DOCK1: variants seen among roughly 807,000 people sequenced by gnomAD.
DOCK1 encodes dedicator of cytokinesis 1, also known as dedicator of cytokinesis protein 1.
A neutral mutation model predicts 262.7 loss-of-function variants in DOCK1; 138 were observed. The observed-to-expected ratio is 0.53, with a 90% CI of 0.46 to 0.61. The LOEUF (loss-of-function observed/expected upper bound fraction) is 0.61. DOCK1 is among the 20% of genes least tolerant of loss of function. The pLI is 0.00. For synonymous variants in DOCK1, 866 were observed against 867.4 expected, an observed-to-expected ratio of 1.00 and a Z score of 0.03; for missense variants, 1,908 against 2,370.7, an observed-to-expected ratio of 0.80 and a Z score of 4.05.
chr10:126,996,817 G>A lies in DOCK1; in HGVS notation c.543G>A (p.Thr181=), dbSNP rs79043452. 6.0e-4 allele frequency: 974 copies of A among 1,612,910 alleles called. 4 individuals carry two copies. In the African/African-American group the frequency reaches 0.011, roughly 19 times the overall value. The change falls in exon 7 of 52, where the codon ACG becomes ACA. Residue 181 remains threonine, a synonymous_variant. Transcript: ENST00000623213. ...TTTTGGATCCAGAATTAACTAGCAC[G>A]ATTAGTCTCTTCAGAGCTCATGAAA... ...GNILDPELTS[T]ISLFRAHEIA... is the part of the protein sequence containing the mutation.
chr10:127,116,923 G>A (rs558207940), intron 25 of DOCK1, among the ~76,000 whole-genome samples: 1 of 152,268 alleles, frequency 6.6e-6, no homozygotes, highest in East Asian at 1.9e-4. Context: ...TTAAATAATG[G>A]TGGAATGTAA....
intron 47 of DOCK1, among the ~76,000 whole-genome samples, chr10:127,427,206 C>T (rs934306083): frequency 1.3e-5 from 2 of 152,196 alleles, no homozygotes; most frequent in East Asian, 1.9e-4. Flanking sequence ...GTGCACAGGG[C>T]TTCAACTCCC....
In DOCK1 at chr10:127,410,836, A is replaced by C; in HGVS notation, c.4344-4A>C. 6.2e-7 allele frequency: 1 copy of C among 1,613,610 alleles called. No individual in the cohort carries two copies. The highest frequency in any genetic ancestry group is 2.2e-5 in the East Asian group (1 of 44,880). ...TATCTAATGATCTGTCTGTCTCTGT[A>C]CAGTTTTTACAGGGTGAACGAGGTC... is the stretch of plus-strand genomic sequence containing the variant. On this transcript the variant is annotated splice_region_variant and splice_polypyrimidine_tract_variant and intron_variant, in intron 42 of 51. Coordinates refer to ENST00000623213, the MANE Select transcript of DOCK1 (RefSeq NM_001290223.2).
chr10:127,102,767 G>T (rs983877601), intron 23 of DOCK1, among the ~76,000 whole-genome samples: 4 of 152,188 alleles, frequency 2.6e-5, no homozygotes, highest in South Asian at 2.1e-4. Context: ...GTGAACCCGG[G>T]GGGTGGAAGT....
intron 29 of DOCK1, among the ~76,000 whole-genome samples, chr10:127,284,212 C>T (rs990582409): frequency 6.6e-6 from 1 of 152,032 alleles, no homozygotes; most frequent in Admixed American, 6.6e-5. Context: ...CTCATAGTAA[C>T]CTATTTCATA....
At chr10:126,958,490 G>T (rs2036927218) in intron 1 of DOCK1, among the ~76,000 whole-genome samples, 1 of 152,150 alleles carries the variant, frequency 6.6e-6, no homozygotes, top group Non-Finnish European at 1.5e-5. Flanking sequence ...GGCACAATGG[G>T]TATTCCCACA....
At chr10:127,221,566 C>A (rs2058436768) in intron 27 of DOCK1, among the ~76,000 whole-genome samples, 1 of 152,194 alleles carries the variant, frequency 6.6e-6, no homozygotes, top group South Asian at 2.1e-4. Flanking sequence ...GACATCCCTT[C>A]AGTGTCAGCT....
At chr10:126,907,096 G>A (rs894176601) in intron 1 of DOCK1, among the ~76,000 whole-genome samples, 1 of 151,684 alleles carries the variant, frequency 6.6e-6, no homozygotes, top group Admixed American at 6.6e-5. Flanking sequence ...TCAGTCTGGG[G>A]CACTTGGCAC....
intron 21 of DOCK1, among the ~76,000 whole-genome samples, chr10:127,050,906 T>C (rs1395432892): frequency 2.6e-5 from 4 of 152,154 alleles, no homozygotes; most frequent in African/African-American, 9.6e-5. Context: ...TTGAACTTTC[T>C]TGTTATTTGA....
At position 126,985,050 on chromosome 10, in the gene DOCK1, C is replaced by T. The variant is rs567088926; in HGVS notation, c.228-2471C>T. 4.7e-5 allele frequency among the ~76,000 whole-genome samples: 7 copies of T among 149,744 alleles called. No homozygotes were observed. The South Asian group carries it at 6.4e-4, about 14-fold the overall frequency. On this transcript the variant is annotated intron_variant, in intron 4 of 51. Coordinates refer to ENST00000623213, the MANE Select transcript of DOCK1 (RefSeq NM_001290223.2). ...GGCTGGAGTGCAGTAGCATGATCTC[C>T]GCTCACTGCAACCTCTGCCTCCTGC...
intron 29 of DOCK1, among the ~76,000 whole-genome samples, chr10:127,331,155 G>A (rs1416129711): frequency 6.6e-6 from 1 of 152,180 alleles, no homozygotes; most frequent in Admixed American, 6.5e-5. Flanking sequence ...GCCAGTTTCT[G>A]CTTCCTCCTT....
chr10:127,298,967 A>G (rs2135417057), intron 29 of DOCK1, among the ~76,000 whole-genome samples: 1 of 152,228 alleles, frequency 6.6e-6, no homozygotes, highest in South Asian at 2.1e-4. Flanking sequence ...TGTCTATTGT[A>G]AGATAGATTG....
At chr10:126,944,425 T>C (rs913762128) in intron 1 of DOCK1, among the ~76,000 whole-genome samples, 3 of 152,020 alleles carry the variant, frequency 2.0e-5, no homozygotes, top group Admixed American at 1.3e-4. Context: ...CCGAGGCAGC[T>C]GTTGGGTGGC....
At chr10:127,391,213 TATG>T (rs1429097573) in intron 38 of DOCK1, among the ~76,000 whole-genome samples, 1 of 152,182 alleles carries the variant, frequency 6.6e-6, no homozygotes, top group African/African-American at 2.4e-5. Context: ...AGCACCAAGA[TATG>T]ATGTTTTTTT....
Position 126,944,867 on chromosome 10 carries a change from C to T in DOCK1, c.47-25835C>T, listed in dbSNP as rs908966567. Among the ~76,000 whole-genome samples the T allele has an allele frequency of 6.4e-3, 975 of 152,188 alleles. 7 individuals are homozygous for T. Among genetic ancestry groups the T allele is most frequent in the Non-Finnish European group, 9.4e-3 (636 of 68,014 alleles). On this transcript the variant is annotated intron_variant, in intron 1 of 51. Transcript: ENST00000623213. ...AATGTTTTTGTTTTTGAGACTGATC[C>T]TCTCTCTGTCACCCAGGCTGGAGTG...
intron 21 of DOCK1, among the ~76,000 whole-genome samples, chr10:127,043,921 G>A (rs995098823): frequency 6.6e-6 from 1 of 152,148 alleles, no homozygotes; most frequent in Non-Finnish European, 1.5e-5. Context: ...GTTATTACGT[G>A]TAGAGTGCTT....
chr10:127,090,091 T>C (rs1190305784), intron 23 of DOCK1, among the ~76,000 whole-genome samples: 1 of 152,184 alleles, frequency 6.6e-6, no homozygotes, highest in Non-Finnish European at 1.5e-5. Context: ...CAGTGATTGC[T>C]GTTCGGGACA....
chr10:127,232,793 A>G (rs1283316831), intron 27 of DOCK1, among the ~76,000 whole-genome samples: 3 of 152,222 alleles, frequency 2.0e-5, no homozygotes, highest in East Asian at 3.8e-4. Flanking sequence ...CTGTGTAGCC[A>G]GATAATTAGC....
chr10:127,108,325 C>T lies in DOCK1; in HGVS notation c.2517-1923C>T, dbSNP rs139217960. On this transcript the variant is annotated intron_variant, in intron 24 of 51. Coordinates refer to ENST00000623213, the MANE Select transcript of DOCK1 (RefSeq NM_001290223.2). ...TTTTTTGGTTAGGCATGGTGACTCA[C>T]GCCTGTAATCCCAGCACTTTGGGAG... is the stretch of plus-strand genomic sequence containing the variant. 1.4e-3 allele frequency among the ~76,000 whole-genome samples: 214 copies of T among 152,218 alleles called. 1 individual carries two copies. The highest frequency in any genetic ancestry group is 4.7e-3 in the African/African-American group (197 of 41,532).
Sources: allele counts gnomAD v4.1 joint callset (sites outside exome capture counted in the v4.1 genomes callset), GRCh38; gene constraint gnomAD v4.1.1; transcripts MANE v1.5; gene names NCBI Gene and HGNC (gene_info 2026-07-23, HGNC 2026-07-21).